TBC1D13: variants seen among roughly 807,000 people sequenced by gnomAD.
The protein encoded by TBC1D13 is TBC1 domain family member 13.
TBC1D13 carries 40 observed loss-of-function variants against 53.6 expected under a neutral mutation model. The observed-to-expected ratio is 0.75, with a 90% CI of 0.58 to 0.97. The LOEUF (loss-of-function observed/expected upper bound fraction) is 0.97. Ranked by LOEUF, TBC1D13 falls within the 50% of genes least tolerant of loss-of-function variation. The pLI, the probability that TBC1D13 is intolerant of heterozygous loss-of-function variation, is 0.00. For missense variants in TBC1D13, 377 were observed against 499.4 expected, an observed-to-expected ratio of 0.75 and a Z score of 2.34; for synonymous variants, 182 against 197.7, an observed-to-expected ratio of 0.92 and a Z score of 0.67.
rs552187177 is a variant in TBC1D13 at position 128,787,569 on chromosome 9, C to T, written c.23+193C>T. 1.2e-4 allele frequency among the ~76,000 whole-genome samples: 18 copies of T among 152,228 alleles called. No homozygotes were observed. In the East Asian group the frequency reaches 3.5e-3, roughly 30 times the overall value. On this transcript the variant is annotated intron_variant, in intron 1 of 11. Transcript: ENST00000372648. ...CGGAGGGGCGGCCCTTCTCCTGCCC[C>T]TGATGTCACTGCTTCTGCCTCCCTC...
chr9:128,793,620 G>A (rs1030837885), intron 6 of TBC1D13, among the ~76,000 whole-genome samples: 1 of 152,244 alleles, frequency 6.6e-6, no homozygotes, highest in African/African-American at 2.4e-5. Flanking sequence ...GGTCTCCACA[G>A]ATACGTGGGA....
At position 128,809,175 on chromosome 9, in the gene TBC1D13, G is replaced by A. The variant is rs369144219; in HGVS notation, c.*1296G>A. 4 of 152,572 alleles carry A rather than the reference G, an allele frequency of 2.6e-5. No individual in the cohort carries two copies. The East Asian group carries it at 5.8e-4, about 22-fold the overall frequency. The allele number at this position is 152,572 out of a possible 1,614,324, so 9.5% of individuals were successfully genotyped here. The stretch of plus-strand genomic sequence containing the variant: ...AGGAGGGCCATGTCTGTGCCTCTGT[G>A]TACCCCTCCACCCGCTGCGGGCTGA... On this transcript the variant is annotated 3_prime_UTR_variant, in exon 12 of 12. Coordinates refer to ENST00000372648, the MANE Select transcript of TBC1D13 (RefSeq NM_018201.5).
At chr9:128,807,715 C>T in intron 11 of TBC1D13, 99 bp from the exon 12 acceptor site, 1 of 1,299,162 alleles carries the variant, frequency 7.7e-7, no homozygotes, top group South Asian at 1.2e-5. Flanking sequence ...CCCCTGAGGC[C>T]CAGGATCCAG....
At chr9:128,790,656 G>T (rs1018670259) in intron 2 of TBC1D13, 79 bp from the exon 3 acceptor site, 2 of 1,378,114 alleles carry the variant, frequency 1.5e-6, no homozygotes, top group Non-Finnish European at 1.9e-6. Context: ...TCTACTCCCC[G>T]CCAGTTGGCT....
intron 7 of TBC1D13, among the ~76,000 whole-genome samples, chr9:128,800,791 G>C (rs910955890): frequency 6.6e-6 from 1 of 152,148 alleles, no homozygotes; most frequent in African/African-American, 2.4e-5. Context: ...ATTTGTGTGT[G>C]TATTATATAT....
chr9:128,788,831 G>A (rs1201999367), intron 2 of TBC1D13, among the ~76,000 whole-genome samples: 1 of 152,182 alleles, frequency 6.6e-6, no homozygotes, highest in East Asian at 1.9e-4. Flanking sequence ...CTGGCTTGGG[G>A]TCTAAGCTGC....
rs1313982142 is a variant in TBC1D13 at position 128,803,448 on chromosome 9, A to G, written c.742A>G (p.Ser248Gly). The change falls in exon 8 of 12, where the codon AGT becomes GGT. Residue 248 changes from serine to glycine, a missense_variant. Physicochemically the swap from Ser to Gly is moderately conservative, Grantham distance 56. Coordinates refer to ENST00000372648, the MANE Select transcript of TBC1D13 (RefSeq NM_018201.5). ...CTACACCTTTGCCACCGACCCCAAT[A>G]GTGAGTGGAAAGGTAAGAAGGCTCT... The part of the protein sequence containing the change: ...LYYTFATDPN[S>G]EWKEHAEADT... 6.2e-7 allele frequency: 1 copy of G among 1,614,034 alleles called. No individual in the cohort carries two copies. The highest frequency in any genetic ancestry group is 2.2e-5 in the East Asian group (1 of 44,878).
In TBC1D13 at chr9:128,791,395, C is replaced by G. The variant is rs1829529618; in HGVS notation, c.154C>G (p.Leu52Val). 1 of 1,614,156 alleles carries G rather than the reference C, an allele frequency of 6.2e-7. No homozygotes were observed. Among genetic ancestry groups the G allele is most frequent in the East Asian group, 2.2e-5 (1 of 44,878 alleles). The change falls in exon 4 of 12, where the codon CTT becomes GTT. Residue 52 changes from leucine to valine, a missense_variant. Physicochemically the swap from Leu to Val is conservative, Grantham distance 32. Coordinates refer to ENST00000372648, the MANE Select transcript of TBC1D13 (RefSeq NM_018201.5). ...CTCTGTGCAGATTCTCTTGAACTAC[C>G]TTCCCTTGGAGAGAGCCTCATGGAC... ...CLCWKILLNY[L>V]PLERASWTSI...
At position 128,803,305 on chromosome 9, in the gene TBC1D13, T is replaced by C; in HGVS notation, c.599T>C (p.Leu200Pro). 6.2e-7 allele frequency: 1 copy of C among 1,614,232 alleles called. No individual in the cohort carries two copies. The highest frequency in any genetic ancestry group is 8.5e-7 in the Non-Finnish European group (1 of 1,180,042). The stretch of plus-strand genomic sequence containing the variant: ...TCATCCCTAAATGAGTATGAGGTGC[T>C]GCCCAATGGCTGTGAGGCCCACTGG... ...VPSSLNEYEV[L>P]PNGCEAHWEV... is the part of the protein sequence containing the mutation. Residue 200 changes from leucine (L) to proline (P), a missense_variant, in exon 8 of 12, where the codon CTG becomes CCG. Transcript: ENST00000372648.
At chr9:128,792,084 C>T (rs929103416) in intron 5 of TBC1D13, among the ~76,000 whole-genome samples, 3 of 152,202 alleles carry the variant, frequency 2.0e-5, no homozygotes, top group Non-Finnish European at 4.4e-5. Flanking sequence ...ATCGATGGGC[C>T]CCAGGCCCAG....
At chr9:128,807,625 G>T (rs1414511466) in intron 11 of TBC1D13, among the ~76,000 whole-genome samples, 189 bp from the exon 12 acceptor site, 1 of 152,208 alleles carries the variant, frequency 6.6e-6, no homozygotes, top group Middle Eastern at 3.2e-3. Flanking sequence ...CGTTGAGTTG[G>T]TGCTGCATGG....
rs73669971 is a variant in TBC1D13, at chr9:128,803,670, A to G, written c.754+210A>G. Among the ~76,000 whole-genome samples the G allele has an allele frequency of 0.03, 4,537 of 152,270 alleles. 206 individuals are homozygous for G. Among genetic ancestry groups the G allele is most frequent in the African/African-American group, 0.1 (4,237 of 41,528 alleles). ...AATTTAATTCTGATAGAGAAGGTGG[A>G]TATGTAGGAAGCCGAATTATAAGAT... On this transcript the variant is annotated intron_variant, in intron 8 of 11. Transcript: ENST00000372648.
At chr9:128,793,589 C>G (rs1473406389) in intron 6 of TBC1D13, among the ~76,000 whole-genome samples, 1 of 152,210 alleles carries the variant, frequency 6.6e-6, no homozygotes, top group African/African-American at 2.4e-5. Context: ...GTGGTTCAGG[C>G]TAAGGGCACA....
Position 128,808,220 on chromosome 9 carries a change from T to G in TBC1D13, c.*341T>G. 2.9e-6 allele frequency: 1 copy of G among 339,658 alleles called. No individual in the cohort carries two copies. Among genetic ancestry groups the G allele is most frequent in the Non-Finnish European group, 5.7e-6 (1 of 174,874 alleles). The allele number at this position is 339,658 out of a possible 1,614,324, so 21.0% of individuals were successfully genotyped here. A position where few individuals can be genotyped will look rare whatever the true frequency, so the allele number is the denominator to read the frequency against. On this transcript the variant is annotated 3_prime_UTR_variant, in exon 12 of 12. Transcript: ENST00000372648. ...CCGCCCCAGCCTCAGTTCCTGCTTC[T>G]GGTCTTCTCCTGGGCTCCACTCAGG...
At chr9:128,801,726 T>C (rs1829736808) in intron 7 of TBC1D13, among the ~76,000 whole-genome samples, 1 of 151,432 alleles carries the variant, frequency 6.6e-6, no homozygotes, top group Non-Finnish European at 1.5e-5. Flanking sequence ...GCCAGTTGTT[T>C]GTTTTTGACA....
chr9:128,793,207 G>A (rs1490506648), intron 6 of TBC1D13, among the ~76,000 whole-genome samples: 5 of 152,258 alleles, frequency 3.3e-5, no homozygotes, highest in Admixed American at 6.5e-5. Context: ...GTGGGAGATA[G>A]GGGCTGGACC....
At chr9:128,797,960 A>T (rs1829664368) in intron 7 of TBC1D13, among the ~76,000 whole-genome samples, 2 of 152,114 alleles carry the variant, frequency 1.3e-5, no homozygotes, top group African/African-American at 4.8e-5. Context: ...AAAATACAAA[A>T]ATTTGGCCCT....
chr9:128,788,543 T>C (rs1243623332), intron 2 of TBC1D13, 136 bp downstream of exon 2: 11 of 712,324 alleles, frequency 1.5e-5, no homozygotes, highest in Middle Eastern at 4.0e-4. Flanking sequence ...ACACACAGAC[T>C]CTTGGGGCCT....
intron 7 of TBC1D13, among the ~76,000 whole-genome samples, chr9:128,801,271 G>A (rs370935869): frequency 2.0e-5 from 3 of 152,144 alleles, no homozygotes; most frequent in African/African-American, 7.2e-5. Context: ...ATGAACAATT[G>A]AGATGTCCTC....
Sources: gnomAD v4.1 joint callset for allele counts (sites outside exome capture counted in the v4.1 genomes callset) on GRCh38, gnomAD v4.1.1 for gene constraint, MANE v1.5 for transcripts, NCBI Gene and HGNC (gene_info 2026-07-23, HGNC 2026-07-21) for gene names.